Variants in PLCB4 observed in about 807,000 individuals in gnomAD.
PLCB4 encodes the protein phospholipase C beta 4, also known as 1-phosphatidylinositol 4,5-bisphosphate phosphodiesterase beta-4.
Under a neutral mutation model 178.8 loss-of-function variants are expected in PLCB4, and 77 were observed. That is an observed-to-expected ratio of 0.43 (90% CI 0.36 to 0.52). The LOEUF (loss-of-function observed/expected upper bound fraction) is 0.52, where lower values mean the gene tolerates loss of function less well. Among genes scored for constraint, PLCB4 ranks in the 20% least tolerant of loss-of-function variants. The pLI is 0.00. For missense variants in PLCB4, 1,024 were observed against 1,453.4 expected (o/e 0.70, Z 4.80); for synonymous variants, 496 against 490.8 (o/e 1.01, Z -0.14).
chr20:9,227,695 G>A (rs753125821), intron 3 of PLCB4, among the ~76,000 whole-genome samples: 2 of 152,044 alleles, frequency 1.3e-5, no homozygotes, highest in Non-Finnish European at 1.5e-5. Flanking sequence ...CTATACTTAT[G>A]TCACTGACAC....
At chr20:9,129,545 T>C (rs1369601388) in intron 2 of PLCB4, among the ~76,000 whole-genome samples, 2 of 152,122 alleles carry the variant, frequency 1.3e-5, no homozygotes, top group Admixed American at 1.3e-4. Context: ...AAGGTATGCC[T>C]AAAGGAGAAC....
At position 9,333,385 on chromosome 20, in the gene PLCB4, A is replaced by G. The variant is rs367805909; in HGVS notation, c.85-3741A>G. Among the ~76,000 whole-genome samples, 7 of 152,240 alleles carry G rather than the reference A, an allele frequency of 4.6e-5. No homozygotes were observed. The East Asian group carries it at 1.4e-3, about 30-fold the overall frequency. On this transcript the variant is annotated intron_variant, in intron 4 of 39. Coordinates refer to ENST00000378473, the MANE Select transcript of PLCB4 (RefSeq NM_001377142.1). ...GAATGAAGAGGAGCCTGATGCACCA[A>G]GGGCAGTAGAAAGAGACTTCTGAGC...
At chr20:9,109,544 C>T (rs980266122) in intron 2 of PLCB4, among the ~76,000 whole-genome samples, 13 of 151,846 alleles carry the variant, frequency 8.6e-5, no homozygotes, top group African/African-American at 3.1e-4. Context: ...CCTACCACCA[C>T]CCCTCTGCAA....
chr20:9,202,097 C>G (rs2093554136), intron 2 of PLCB4, among the ~76,000 whole-genome samples: 1 of 152,132 alleles, frequency 6.6e-6, no homozygotes, highest in Non-Finnish European at 1.5e-5. Context: ...AGATGAATCC[C>G]AAAATACATT....
At chr20:9,229,200 A>C (rs1450530054) in intron 3 of PLCB4, among the ~76,000 whole-genome samples, 1 of 152,200 alleles carries the variant, frequency 6.6e-6, no homozygotes, top group Non-Finnish European at 1.5e-5. Flanking sequence ...TGTGGACTAC[A>C]GTCTCCTGTC....
At chr20:9,309,976 C>G (rs1052269222) in intron 4 of PLCB4, among the ~76,000 whole-genome samples, 5 of 152,202 alleles carry the variant, frequency 3.3e-5, no homozygotes, top group African/African-American at 1.2e-4. Flanking sequence ...GCTTTCAACT[C>G]TTTCAAGTGC....
chr20:9,327,776 GA>G (rs964942224), intron 4 of PLCB4, among the ~76,000 whole-genome samples: 3 of 149,576 alleles, frequency 2.0e-5, no homozygotes, highest in Non-Finnish European at 3.0e-5. Flanking sequence ...ACTCCATCTC[GA>G]AAAAAAAATA....
At chr20:9,220,216 GA>G (rs2093781037) in intron 3 of PLCB4, among the ~76,000 whole-genome samples, 1 of 152,170 alleles carries the variant, frequency 6.6e-6, no homozygotes, top group African/African-American at 2.4e-5. Context: ...CAAGTTTCAG[GA>G]AAAGAAAGTA....
intron 8 of PLCB4, among the ~76,000 whole-genome samples, chr20:9,364,628 C>T (rs875862): frequency 0.23 from 35,150 of 152,154 alleles, 4,234 homozygotes; most frequent in Non-Finnish European, 0.27. Context: ...CTTTTTTCTG[C>T]TCAGTCTTCT....
At chr20:9,232,005 G>A (rs1441453905) in intron 3 of PLCB4, among the ~76,000 whole-genome samples, 1 of 152,110 alleles carries the variant, frequency 6.6e-6, no homozygotes, top group African/African-American at 2.4e-5. Context: ...ACAACAAGTT[G>A]GATGAACCTA....
At chr20:9,089,851 G>C (rs555503906) in intron 1 of PLCB4, among the ~76,000 whole-genome samples, 2 of 152,290 alleles carry the variant, frequency 1.3e-5, no homozygotes, top group South Asian at 4.1e-4. Context: ...GCTTATAGCA[G>C]TTAATGTGGA....
At chr20:9,158,292 G>A (rs958115737) in intron 2 of PLCB4, among the ~76,000 whole-genome samples, 2 of 151,446 alleles carry the variant, frequency 1.3e-5, no homozygotes, top group Non-Finnish European at 2.9e-5. Context: ...TTGAGACAGA[G>A]TCTTGCTCTG....
At chr20:9,341,099 C>G (rs79788289) in intron 7 of PLCB4, among the ~76,000 whole-genome samples, 1 of 152,158 alleles carries the variant, frequency 6.6e-6, no homozygotes, top group Non-Finnish European at 1.5e-5. Flanking sequence ...CCACTTTGCT[C>G]TGTGCCCTGA....
At chr20:9,168,658 A>G (rs1423186385) in intron 2 of PLCB4, among the ~76,000 whole-genome samples, 2 of 152,160 alleles carry the variant, frequency 1.3e-5, no homozygotes, top group Non-Finnish European at 2.9e-5. Flanking sequence ...ACCAGATACC[A>G]AATAACTGCT....
chr20:9,126,816 C>A (rs2146785973), intron 2 of PLCB4, among the ~76,000 whole-genome samples: 1 of 135,580 alleles, frequency 7.4e-6, no homozygotes, highest in Admixed American at 7.9e-5. Flanking sequence ...TCTAAGAATA[C>A]TGAACTGCAT....
intron 2 of PLCB4, among the ~76,000 whole-genome samples, chr20:9,127,638 T>TTATCTATC (rs35789567): frequency 9.5e-5 from 14 of 146,776 alleles, no homozygotes; most frequent in African/African-American, 1.5e-4. Flanking sequence ...GGTGGTAAAA[T>TTATCTATC]TATCTATCTA....
chr20:9,297,299 A>C (rs780714962), intron 3 of PLCB4, among the ~76,000 whole-genome samples: 4 of 152,008 alleles, frequency 2.6e-5, no homozygotes, highest in Non-Finnish European at 5.9e-5. Context: ...GTTCTCACTC[A>C]TAAGTGGGAG....
intron 32 of PLCB4, among the ~76,000 whole-genome samples, chr20:9,449,810 C>T (rs2042641712): frequency 6.6e-6 from 1 of 152,136 alleles, no homozygotes; most frequent in Non-Finnish European, 1.5e-5. Context: ...TGTTGTTAAA[C>T]TCATCAATTT....
intron 2 of PLCB4, among the ~76,000 whole-genome samples, chr20:9,149,060 G>A (rs901736949): frequency 2.6e-5 from 4 of 152,122 alleles, no homozygotes; most frequent in Non-Finnish European, 4.4e-5. Flanking sequence ...CCTCCAGGTA[G>A]GTGTAGCCAA....
Sources: allele counts gnomAD v4.1 joint callset (sites outside exome capture counted in the v4.1 genomes callset), GRCh38; gene constraint gnomAD v4.1.1; transcripts MANE v1.5; gene names NCBI Gene and HGNC (gene_info 2026-07-23, HGNC 2026-07-21).